CCNL1: variants seen among roughly 807,000 people sequenced by gnomAD.
CCNL1 encodes the protein cyclin L1, also known as cyclin-L1.
In CCNL1, 13 loss-of-function variants were observed where a neutral mutation model predicts 60.6. The ratio of observed to expected loss-of-function variants is 0.21; its 90% CI spans 0.14 to 0.34. The LOEUF is 0.34. Among genes scored for constraint, CCNL1 ranks in the 10% least tolerant of loss-of-function variants. The probability of loss-of-function intolerance (pLI) is 1.00; values close to 1 mark genes in which losing one functional copy is unlikely to be tolerated. For missense variants in CCNL1, 481 were observed against 664.3 expected, an observed-to-expected ratio of 0.72 and a Z score of 3.03; for synonymous variants, 270 against 244.3, an observed-to-expected ratio of 1.10 and a Z score of -0.98.
In CCNL1 at chr3:157,147,980, GCAATAAA is replaced by G; in HGVS notation, c.*254_*260del. On this transcript the variant is annotated 3_prime_UTR_variant, in exon 11 of 11. Transcript: ENST00000295926. Reference sequence around the variant, plus strand: ...CAGAATTCACGCTCCAGTTCTTATAGCAATAAACAATACACAACTATAATAAAGTACA... The same window carrying G: ...CAGAATTCACGCTCCAGTTCTTATAGCAATACACAACTATAATAAAGTACA... 1 of 1,199,710 alleles carries G rather than the reference GCAATAAA, an allele frequency of 8.3e-7. No individual in the cohort carries two copies. Among genetic ancestry groups the G allele is most frequent in the East Asian group, 3.8e-5 (1 of 26,100 alleles). The allele number at this position is 1,199,710 out of a possible 1,614,324, so 74.3% of individuals were successfully genotyped here. A position where few individuals can be genotyped will look rare whatever the true frequency, so the allele number is the denominator to read the frequency against.
intron 5 of CCNL1, chr3:157,151,127 C>T: frequency 1.0e-6 from 1 of 984,942 alleles, no homozygotes; most frequent in Non-Finnish European, 1.2e-6. Flanking sequence ...ACCATGAGAA[C>T]TGCTATAATC....
At chr3:157,144,756 T>C (rs1224806437), downstream of CCNL1, among the ~76,000 whole-genome samples, 1 of 152,232 alleles carries the variant, frequency 6.6e-6, no homozygotes, top group Admixed American at 6.5e-5. Flanking sequence ...ACCCTCAATA[T>C]GTCCATGCTT....
Position 157,157,848 on chromosome 3 carries a change from G to A in CCNL1, c.488+1018C>T, listed in dbSNP as rs1347090000. Among the ~76,000 whole-genome samples, 3 of 152,132 alleles carry A rather than the reference G, an allele frequency of 2.0e-5. No individual in the cohort carries two copies. The East Asian group carries it at 5.8e-4, about 29-fold the overall frequency. On this transcript the variant is annotated intron_variant, in intron 3 of 10. Coordinates refer to ENST00000295926, the MANE Select transcript of CCNL1 (RefSeq NM_020307.4). ...GCTTTAATATTTGCTTGTCTGAATAGTTCCATTACTGCCAACTTACAGATT... is the reference window on the plus strand; with the variant it reads ...GCTTTAATATTTGCTTGTCTGAATAATTCCATTACTGCCAACTTACAGATT...
chr3:157,149,814 T>C, intron 8 of CCNL1, 22 bp downstream of exon 8: 2 of 1,604,196 alleles, frequency 1.2e-6, no homozygotes, highest in East Asian at 2.2e-5. Context: ...CCCAAGTCAT[T>C]TTAATTCTAA....
chr3:157,159,180 G>T lies in CCNL1; in HGVS notation c.379-205C>A. ...CAGAGTCAAACTCAATCTTACAGGA[G>T]TTCTGCATTTGGTTGAAAACTGTAC... On this transcript the variant is annotated intron_variant, in intron 2 of 10. Transcript: ENST00000295926. 6 of 630,508 alleles carry T rather than the reference G, an allele frequency of 9.5e-6. 1 individual carries two copies. In the South Asian group the frequency reaches 1.0e-4, roughly 10 times the overall value. 39.1% of individuals were successfully genotyped at this position (630,508 alleles called of 1,614,324 possible). A position where few individuals can be genotyped will look rare whatever the true frequency, so the allele number is the denominator to read the frequency against.
chr3:157,148,198 T>G lies in CCNL1; in HGVS notation c.*43A>C. On this transcript the variant is annotated 3_prime_UTR_variant, in exon 11 of 11. Transcript: ENST00000295926. ...TTGAGTCCATACATCACACTGTAGA[T>G]AGGCAAAACCAAGAACTGATGCAGG... 2 of 1,581,384 alleles carry G rather than the reference T, an allele frequency of 1.3e-6. No homozygotes were observed. The highest frequency in any genetic ancestry group is 1.7e-6 in the Non-Finnish European group (2 of 1,164,912).
In CCNL1 at chr3:157,148,355, C is replaced by T; in HGVS notation, c.1467G>A (p.Arg489=). 6.2e-7 allele frequency: 1 copy of T among 1,614,150 alleles called. No homozygotes were observed. Among genetic ancestry groups the T allele is most frequent in the Non-Finnish European group, 8.5e-7 (1 of 1,180,036 alleles). The change falls in exon 11 of 11, where the codon AGG becomes AGA. Residue 489 remains arginine (R), a synonymous_variant. Coordinates refer to ENST00000295926, the MANE Select transcript of CCNL1 (RefSeq NM_020307.4). ...RDHSDAAKKH[R]HERGHHRDRR... is the part of the protein sequence containing the mutation. The stretch of plus-strand genomic sequence containing the variant: ...TGTCCCTATGATGTCCCCTTTCATG[C>T]CTGTGTTTCTTGGCTGCATCTGAGT...
At chr3:157,159,502 G>C (rs775816890) in intron 1 of CCNL1, 23 bp from the exon 2 acceptor site, 2 of 1,606,246 alleles carry the variant, frequency 1.2e-6, no homozygotes, top group Non-Finnish European at 1.7e-6. Flanking sequence ...GAGGAGAACG[G>C]AAGCGCAGGG....
intron 3 of CCNL1, among the ~76,000 whole-genome samples, chr3:157,157,321 A>T (rs1738695664): frequency 6.6e-6 from 1 of 152,220 alleles, no homozygotes; most frequent in South Asian, 2.1e-4. Context: ...CACAACAATC[A>T]GGTGAGATTA....
chr3:157,146,922 A>G (rs1270484682), downstream of CCNL1, among the ~76,000 whole-genome samples: 1 of 152,224 alleles, frequency 6.6e-6, no homozygotes, highest in Non-Finnish European at 1.5e-5. Context: ...TAGCACACCC[A>G]ACACTTTTAT....
chr3:157,151,298 T>TCA, intron 5 of CCNL1: 9 of 985,684 alleles, frequency 9.1e-6, no homozygotes, highest in Non-Finnish European at 1.1e-5. Context: ...ACTAAGTCCT[T>TCA]CACATCAATA....
Position 157,153,023 on chromosome 3 carries a change from C to G in CCNL1, c.609+13G>C. ...AATACTTACGAACCCAATTTCTGTA[C>G]TCTACAACTCACCTTATGAGGATGC... is the stretch of plus-strand genomic sequence containing the variant. On this transcript the variant is annotated intron_variant, in intron 4 of 10. Coordinates refer to ENST00000295926, the MANE Select transcript of CCNL1 (RefSeq NM_020307.4). 1.2e-6 allele frequency: 2 copies of G among 1,612,628 alleles called. No homozygotes were observed. The highest frequency in any genetic ancestry group is 1.7e-6 in the Non-Finnish European group (2 of 1,179,312).
chr3:157,148,486 G>A lies in CCNL1; in HGVS notation c.1336C>T (p.Pro446Ser), dbSNP rs1323551090. The A allele has an allele frequency of 1.2e-6, 2 of 1,614,152 alleles. No homozygotes were observed. Among genetic ancestry groups the A allele is most frequent in the South Asian group, 2.2e-5 (2 of 91,088 alleles). The change falls in exon 11 of 11, where the codon CCT (proline) becomes TCT (serine). Residue 446 changes from proline to serine, a missense_variant. Coordinates refer to ENST00000295926, the MANE Select transcript of CCNL1 (RefSeq NM_020307.4). ...SPRRHHNHGS[P>S]HLKAKHTRDD... ...CTGGTATGCTTGGCCTTAAGGTGAG[G>A]AGAACCATGATTATGATGTCTTCGA...
At chr3:157,159,105 C>CTATGCTAG in intron 2 of CCNL1, 130 bp from the exon 3 acceptor site, 5 of 668,912 alleles carry the variant, frequency 7.5e-6, no homozygotes, top group Non-Finnish European at 1.3e-5. Flanking sequence ...AGTCTACCAG[C>CTATGCTAG]TATGCTAGTA....
chr3:157,148,007 A>C lies in CCNL1; in HGVS notation c.*234T>G. 3 of 1,288,776 alleles carry C rather than the reference A, an allele frequency of 2.3e-6. No homozygotes were observed. The highest frequency in any genetic ancestry group is 2.9e-6 in the Non-Finnish European group (3 of 1,020,228). The allele number at this position is 1,288,776 out of a possible 1,614,324, so 79.8% of individuals were successfully genotyped here. ...AATAAACAATACACAACTATAATAA[A>C]GTACAATTGAACCTGACCATGGTTT... On this transcript the variant is annotated 3_prime_UTR_variant, in exon 11 of 11. Coordinates refer to ENST00000295926, the MANE Select transcript of CCNL1 (RefSeq NM_020307.4).
downstream of CCNL1, among the ~76,000 whole-genome samples, chr3:157,145,466 C>CAAAAAA (rs1737755942): frequency 9.6e-4 from 85 of 88,964 alleles, 6 homozygotes; most frequent in African/African-American, 3.6e-3. Context: ...AAAAAAAAAC[C>CAAAAAA]AAAACGGGAT....
intron 6 of CCNL1, 26 bp downstream of exon 6, chr3:157,150,256 G>T (rs201379240): frequency 4.1e-4 from 661 of 1,612,440 alleles, no homozygotes; most frequent in Non-Finnish European, 5.2e-4. Flanking sequence ...TTATCCTACA[G>T]AACAAAATGG....
chr3:157,148,343 T>A lies in CCNL1; in HGVS notation c.1479A>T (p.Gly493=), dbSNP rs776185132. ...DAAKKHRHER[G]HHRDRRERSR... ...ATCGTTCACGCCTGTCCCTATGATGTCCCCTTTCATGCCTGTGTTTCTTGG... is the reference window on the plus strand; with the variant it reads ...ATCGTTCACGCCTGTCCCTATGATGACCCCTTTCATGCCTGTGTTTCTTGG... The change falls in exon 11 of 11, where the codon GGA becomes GGT. Residue 493 remains glycine (G), a synonymous_variant. Transcript: ENST00000295926. 6.2e-7 allele frequency: 1 copy of A among 1,614,182 alleles called. No homozygotes were observed. The highest frequency in any genetic ancestry group is 2.2e-5 in the East Asian group (1 of 44,892).
At position 157,150,400 on chromosome 3, in the gene CCNL1, A is replaced by T. The variant is rs766269805; in HGVS notation, c.675-19T>A. The stretch of plus-strand genomic sequence containing the variant: ...GTAATTCCTGAAAAATATTTCAACT[A>T]TAAGCTTGCATGTAAACAAACCAGT... On this transcript the variant is annotated intron_variant, in intron 5 of 10. Coordinates refer to ENST00000295926, the MANE Select transcript of CCNL1 (RefSeq NM_020307.4). 1.5e-5 allele frequency: 24 copies of T among 1,609,990 alleles called. No individual in the cohort carries two copies. The highest frequency in any genetic ancestry group is 2.0e-5 in the Non-Finnish European group (23 of 1,177,482).
Sources: allele counts gnomAD v4.1 joint callset (sites outside exome capture counted in the v4.1 genomes callset), GRCh38; gene constraint gnomAD v4.1.1; transcripts MANE v1.5; gene names NCBI Gene and HGNC (gene_info 2026-07-23, HGNC 2026-07-21).